Variants in ADAM32 observed in about 807,000 individuals in gnomAD.
ADAM32 encodes ADAM metallopeptidase domain 32.
ADAM32 carries 89 observed loss-of-function variants against 114.9 expected under a neutral mutation model. The observed-to-expected ratio is 0.77, with a 90% CI of 0.65 to 0.92. ADAM32 has a LOEUF of 0.92. Among genes scored for constraint, ADAM32 ranks in the 40% least tolerant of loss-of-function variants. The pLI is 0.00. For synonymous variants in ADAM32, 285 were observed against 307.5 expected (o/e 0.93, Z 0.77); for missense variants, 870 against 932.8 (o/e 0.93, Z 0.88).
chr8:39,194,162 G>A (rs985520260), intron 11 of ADAM32, among the ~76,000 whole-genome samples: 2 of 152,200 alleles, frequency 1.3e-5, no homozygotes, highest in Non-Finnish European at 2.9e-5. Context: ...TGGTGGTGGT[G>A]TTAGCATGGG....
At chr8:39,249,661 T>A (rs1328202353) in intron 17 of ADAM32, among the ~76,000 whole-genome samples, 1 of 152,160 alleles carries the variant, frequency 6.6e-6, no homozygotes, top group African/African-American at 2.4e-5. Flanking sequence ...CAATTAAGAA[T>A]AAGAAAAATA....
rs73608619 is a variant in ADAM32 at position 39,250,193 on chromosome 8, G to T, written c.1902+4027G>T. On this transcript the variant is annotated intron_variant, in intron 17 of 24. Transcript: ENST00000379907. ...TATTCCATTCTTTTTTGTTCTCTTG[G>T]TATCCTCATTACATGTATGTTATAC... 5.5e-3 allele frequency among the ~76,000 whole-genome samples: 838 copies of T among 151,194 alleles called. 3 individuals carry two copies. Among genetic ancestry groups the T allele is most frequent in the African/African-American group, 0.019 (779 of 41,304 alleles).
At chr8:39,119,581 A>G (rs1840510871) in intron 2 of ADAM32, among the ~76,000 whole-genome samples, 2 of 152,058 alleles carry the variant, frequency 1.3e-5, no homozygotes, top group African/African-American at 4.8e-5. Context: ...TTTGAGTTCT[A>G]TGAATTCATT....
chr8:39,245,628 G>A (rs1176531494), intron 16 of ADAM32, among the ~76,000 whole-genome samples: 1 of 152,076 alleles, frequency 6.6e-6, no homozygotes, highest in Non-Finnish European at 1.5e-5. Context: ...TAGAAGAGAG[G>A]CCTCAGGAGA....
rs1476157910 is a variant in ADAM32, at chr8:39,183,681, A to G, written c.916-3228A>G. 3.3e-5 allele frequency among the ~76,000 whole-genome samples: 5 copies of G among 152,284 alleles called. No homozygotes were observed. The East Asian group carries it at 9.6e-4, about 29-fold the overall frequency. On this transcript the variant is annotated intron_variant, in intron 10 of 24. Transcript: ENST00000379907. ...AGTGACATCCTTCCTACCTCTCTGG[A>G]TGTTGTTCCTTAGCTGGTGCCACAA...
intron 13 of ADAM32, among the ~76,000 whole-genome samples, chr8:39,222,428 G>A (rs1170598982): frequency 6.6e-6 from 1 of 151,972 alleles, no homozygotes; most frequent in Admixed American, 6.6e-5. Flanking sequence ...TCAGCTGGAA[G>A]TCATCAATTA....
chr8:39,134,053 T>C (rs1474952125), intron 2 of ADAM32, among the ~76,000 whole-genome samples: 1 of 152,030 alleles, frequency 6.6e-6, no homozygotes, highest in African/African-American at 2.4e-5. Context: ...GTGTAGGACA[T>C]TGTGTGGGCT....
At chr8:39,161,706 G>A (rs1171518484) in intron 7 of ADAM32, among the ~76,000 whole-genome samples, 1 of 152,092 alleles carries the variant, frequency 6.6e-6, no homozygotes, top group African/African-American at 2.4e-5. Flanking sequence ...TCTATTCCTA[G>A]GGTTTAGAGC....
intron 3 of ADAM32, among the ~76,000 whole-genome samples, chr8:39,138,251 G>A (rs767616434): frequency 2.6e-5 from 4 of 152,064 alleles, no homozygotes; most frequent in African/African-American, 9.7e-5. Flanking sequence ...GTATACATGT[G>A]CCATGTTGGT....
At chr8:39,124,408 CTTTTTCT>C (rs1801984162) in intron 2 of ADAM32, among the ~76,000 whole-genome samples, 2 of 40,580 alleles carry the variant, frequency 4.9e-5, no homozygotes, top group Non-Finnish European at 1.0e-4. Flanking sequence ...ACCACATTTT[CTTTTTCT>C]TTTTTTTTTT....
chr8:39,131,317 T>A (rs1802441968), intron 2 of ADAM32, among the ~76,000 whole-genome samples: 1 of 151,774 alleles, frequency 6.6e-6, no homozygotes, highest in Non-Finnish European at 1.5e-5. Flanking sequence ...AGATCTCATC[T>A]CTCCAAAAAA....
At chr8:39,183,916 G>A (rs905765133) in intron 10 of ADAM32, among the ~76,000 whole-genome samples, 10 of 152,318 alleles carry the variant, frequency 6.6e-5, no homozygotes, top group Middle Eastern at 6.8e-3. Context: ...CTGCAGACAG[G>A]CAAGGAAAAT....
In ADAM32 at chr8:39,173,729, T is replaced by A. The variant is rs1805336526; in HGVS notation, c.915+3732T>A. On this transcript the variant is annotated intron_variant, in intron 10 of 24. Coordinates refer to ENST00000379907, the MANE Select transcript of ADAM32 (RefSeq NM_145004.7). ...TGCTTTTTTCATTTTTGTCATGAAATCTTTTCCCATGCCTCTGTCCTGAAT... is the reference window on the plus strand; with the variant it reads ...TGCTTTTTTCATTTTTGTCATGAAAACTTTTCCCATGCCTCTGTCCTGAAT... 1.3e-5 allele frequency among the ~76,000 whole-genome samples: 2 copies of A among 152,232 alleles called. 1 individual carries two copies. Among genetic ancestry groups the A allele is most frequent in the South Asian group, 4.1e-4 (2 of 4,838 alleles).
chr8:39,182,404 G>A (rs1805959250), intron 10 of ADAM32, among the ~76,000 whole-genome samples: 1 of 152,018 alleles, frequency 6.6e-6, no homozygotes, highest in Non-Finnish European at 1.5e-5. Flanking sequence ...TTTTTAAATT[G>A]ACATATAAAA....
intron 16 of ADAM32, among the ~76,000 whole-genome samples, chr8:39,235,812 GAC>G (rs1810096879): frequency 6.6e-6 from 1 of 152,106 alleles, no homozygotes; most frequent in African/African-American, 2.4e-5. Flanking sequence ...CATGGTCAAG[GAC>G]CAGCGAGAAG....
intron 15 of ADAM32, among the ~76,000 whole-genome samples, 195 bp downstream of exon 15, chr8:39,232,330 A>T (rs1241004047): frequency 1.3e-5 from 2 of 152,238 alleles, no homozygotes; most frequent in East Asian, 3.9e-4. Context: ...CTAAACATTT[A>T]TACGTGAATG....
intron 20 of ADAM32, among the ~76,000 whole-genome samples, chr8:39,271,221 A>G (rs1206878892): frequency 6.6e-6 from 1 of 152,202 alleles, no homozygotes; most frequent in Non-Finnish European, 1.5e-5. Flanking sequence ...AGCTTGTGTT[A>G]TAGAGGCACG....
At chr8:39,178,994 G>A (rs951446419) in intron 10 of ADAM32, among the ~76,000 whole-genome samples, 1 of 152,160 alleles carries the variant, frequency 6.6e-6, no homozygotes, top group African/African-American at 2.4e-5. Flanking sequence ...ACCCAGTCAG[G>A]AGGAATGGGA....
chr8:39,194,948 G>A (rs1264607927), intron 11 of ADAM32, among the ~76,000 whole-genome samples: 1 of 152,230 alleles, frequency 6.6e-6, no homozygotes, highest in African/African-American at 2.4e-5. Context: ...GCCAACTCAA[G>A]CATCTGTGGT....
Sources: gnomAD v4.1 joint callset for allele counts (sites outside exome capture counted in the v4.1 genomes callset) on GRCh38, gnomAD v4.1.1 for gene constraint, MANE v1.5 for transcripts, NCBI Gene and HGNC (gene_info 2026-07-23, HGNC 2026-07-21) for gene names.